PIK3R3: variants seen among roughly 807,000 people sequenced by gnomAD.
PIK3R3 encodes the protein phosphoinositide-3-kinase regulatory subunit 3, also known as phosphatidylinositol 3-kinase regulatory subunit gamma.
A neutral mutation model predicts 62.9 loss-of-function variants in PIK3R3; 64 were observed. The ratio of observed to expected loss-of-function variants is 1.02; its 90% CI spans 0.83 to 1.25. The LOEUF is 1.25. Ranked by LOEUF, PIK3R3 falls within the 50% of genes most tolerant of loss-of-function variation. The probability of loss-of-function intolerance (pLI) is 0.00; values close to 1 mark genes in which losing one functional copy is unlikely to be tolerated. For synonymous variants in PIK3R3, 165 were observed against 189.0 expected (o/e 0.87, Z 1.04); for missense variants, 614 against 561.6 (o/e 1.09, Z -0.94).
the PIK3R3 span, among the ~76,000 whole-genome samples, chr1:46,157,830 C>T: frequency 4.6e-5 from 7 of 152,184 alleles, no homozygotes; most frequent in Non-Finnish European, 1.0e-4. Flanking sequence ...ACATGTTATT[C>T]CCTTCTATCT....
the PIK3R3 span, among the ~76,000 whole-genome samples, chr1:46,165,433 G>A: frequency 3.3e-5 from 5 of 151,234 alleles, no homozygotes; most frequent in Admixed American, 2.6e-4. Context: ...AGCCTCCTGC[G>A]TAGCTGGGAT....
chr1:46,108,976 G>A (rs751999333), intron 1 of PIK3R3, among the ~76,000 whole-genome samples: 6 of 152,100 alleles, frequency 3.9e-5, no homozygotes, highest in Middle Eastern at 3.2e-3. Context: ...TGGCTAACAC[G>A]GTGAAACCGT....
chr1:46,044,842 T>C lies in PIK3R3; in HGVS notation c.1188-971A>G, dbSNP rs1410070722. Among the ~76,000 whole-genome samples the C allele has an allele frequency of 2.0e-5, 3 of 152,204 alleles. No individual in the cohort carries two copies. Among genetic ancestry groups the C allele is most frequent in the Non-Finnish European group, 4.4e-5 (3 of 68,030 alleles). Reference sequence around the variant, plus strand: ...GTGAAATGAAAAAAGCCTGGTGCAATAGAAAAATGTGGGTTTTGAAACCAG... The same window carrying C: ...GTGAAATGAAAAAAGCCTGGTGCAACAGAAAAATGTGGGTTTTGAAACCAG... On this transcript the variant is annotated intron_variant, in intron 9 of 9. Transcript: ENST00000262741. The surrounding 1 kb of genome is among the most constrained non-coding windows in gnomAD (Gnocchi z 4.2).
intron 6 of PIK3R3, among the ~76,000 whole-genome samples, chr1:46,061,259 TC>T (rs2149390652): frequency 6.6e-6 from 1 of 152,330 alleles, no homozygotes; most frequent in Non-Finnish European, 1.5e-5. Context: ...CTTTGACTTC[TC>T]CCACACCTAC....
intron 1 of PIK3R3, among the ~76,000 whole-genome samples, chr1:46,098,498 T>C (rs965562499): frequency 1.6e-4 from 25 of 152,240 alleles, no homozygotes; most frequent in Non-Finnish European, 2.5e-4. Context: ...GAGTGGAATA[T>C]TGTTTAGCCA....
the PIK3R3 span, among the ~76,000 whole-genome samples, chr1:46,158,867 C>T: frequency 6.6e-6 from 1 of 152,168 alleles, no homozygotes; most frequent in Non-Finnish European, 1.5e-5. Context: ...ACGGGTGGAT[C>T]ACGAGGTCAG....
At chr1:46,165,549 G>A in the PIK3R3 span, among the ~76,000 whole-genome samples, 72 of 151,408 alleles carry the variant, frequency 4.8e-4, 1 homozygote, top group South Asian at 0.014. Flanking sequence ...CAGATGATCC[G>A]CCGTTCTCAG....
chr1:46,146,853 C>T, the PIK3R3 span, among the ~76,000 whole-genome samples: 1 of 152,074 alleles, frequency 6.6e-6, no homozygotes, highest in Non-Finnish European at 1.5e-5. Flanking sequence ...CCACCATAAG[C>T]CTGGTATTCA....
chr1:46,059,409 G>T (rs180943646), intron 6 of PIK3R3, among the ~76,000 whole-genome samples: 10 of 152,318 alleles, frequency 6.6e-5, no homozygotes, highest in Non-Finnish European at 4.4e-5. Flanking sequence ...TGGTAAGCAC[G>T]CAACAGATGA....
At chr1:46,100,349 T>C (rs1378901556) in intron 1 of PIK3R3, among the ~76,000 whole-genome samples, 3 of 152,194 alleles carry the variant, frequency 2.0e-5, no homozygotes, top group South Asian at 2.1e-4. Flanking sequence ...ATTTTCCATA[T>C]AAATAACCAA....
At chr1:46,139,369 G>T in the PIK3R3 span, among the ~76,000 whole-genome samples, 3 of 151,536 alleles carry the variant, frequency 2.0e-5, no homozygotes, top group Non-Finnish European at 4.4e-5. Flanking sequence ...ACAATGGCAT[G>T]ATCTGGGCTC....
chr1:46,171,710 G>A, the PIK3R3 span, among the ~76,000 whole-genome samples: 2 of 152,100 alleles, frequency 1.3e-5, no homozygotes, highest in African/African-American at 4.8e-5. Context: ...AATCTCGGGG[G>A]CAGGAGTTGG....
intron 3 of PIK3R3, 33 bp from the exon 4 acceptor site, chr1:46,067,124 T>C (rs1464837542): frequency 1.9e-5 from 28 of 1,493,862 alleles, no homozygotes; most frequent in Non-Finnish European, 2.4e-5. Flanking sequence ...TGTGGATTTT[T>C]TTCCCCCAAA....
At chr1:46,170,364 A>G in the PIK3R3 span, among the ~76,000 whole-genome samples, 2 of 152,118 alleles carry the variant, frequency 1.3e-5, no homozygotes, top group Non-Finnish European at 2.9e-5. Context: ...ATCTTCAGGA[A>G]CCAGAAATGT....
the PIK3R3 span, among the ~76,000 whole-genome samples, chr1:46,167,165 C>T: frequency 6.6e-6 from 1 of 152,276 alleles, no homozygotes; most frequent in Non-Finnish European, 1.5e-5. Context: ...CCAGGAAAGG[C>T]ACTTCCAGCC....
At chr1:46,130,927 A>G (rs1048123263) in intron 1 of PIK3R3, among the ~76,000 whole-genome samples, 3 of 152,190 alleles carry the variant, frequency 2.0e-5, no homozygotes, top group Non-Finnish European at 2.9e-5. Context: ...AAAAAAGCCA[A>G]CTTTTCCATT....
chr1:46,051,564 T>C (rs914516157), intron 7 of PIK3R3, among the ~76,000 whole-genome samples: 1 of 152,262 alleles, frequency 6.6e-6, no homozygotes, highest in East Asian at 1.9e-4. Context: ...CCCGGCCACA[T>C]AGAACTAACT....
the PIK3R3 span, among the ~76,000 whole-genome samples, chr1:46,141,586 A>G: frequency 1.3e-5 from 2 of 152,218 alleles, no homozygotes; most frequent in African/African-American, 4.8e-5. Context: ...ACACATTTTG[A>G]AATCAATATG....
Position 46,046,486 on chromosome 1 carries a change from A to C in PIK3R3, c.1016+65T>G, listed in dbSNP as rs1647119421. The C allele has an allele frequency of 5.7e-6, 6 of 1,045,016 alleles. No individual in the cohort carries two copies. In the South Asian group the frequency reaches 6.4e-5, roughly 11 times the overall value. The allele number at this position is 1,045,016 out of a possible 1,614,324, so 64.7% of individuals were successfully genotyped here. A position where few individuals can be genotyped will look rare whatever the true frequency, so the allele number is the denominator to read the frequency against. ...ATGACAACCAATATTTACCACGTAT[A>C]AACAAGGCGCATGTCTTATATTGAT... On this transcript the variant is annotated intron_variant, in intron 8 of 9. Transcript: ENST00000262741.
Sources: gnomAD v4.1 joint callset for allele counts (sites outside exome capture counted in the v4.1 genomes callset) on GRCh38, gnomAD v4.1.1 for gene constraint, Gnocchi (gnomAD v3.1) non-coding constraint, MANE v1.5 for transcripts, NCBI Gene and HGNC (gene_info 2026-07-23, HGNC 2026-07-21) for gene names.